The following ERMP1 variants were observed in gnomAD, a reference collection of about 807,000 sequenced individuals.
ERMP1 encodes Felix-ina.
A neutral mutation model predicts 92.0 loss-of-function variants in ERMP1; 86 were observed. That is an observed-to-expected ratio of 0.93 (90% CI 0.79 to 1.12). ERMP1 has a LOEUF of 1.12. Among genes scored for constraint, ERMP1 ranks in the 50% most tolerant of loss-of-function variants. ERMP1 has a pLI of 0.00. For synonymous variants in ERMP1, 530 were observed against 412.8 expected, an observed-to-expected ratio of 1.28 and a Z score of -3.44; for missense variants, 1,342 against 1,116.3, an observed-to-expected ratio of 1.20 and a Z score of -2.88.
chr9:5,808,957 C>T (rs148592103), intron 8 of ERMP1, among the ~76,000 whole-genome samples: 6 of 152,076 alleles, frequency 3.9e-5, no homozygotes, highest in African/African-American at 1.2e-4. Flanking sequence ...CAGGCTAAAG[C>T]GATCCGCCTG....
At chr9:5,812,315 C>CA in intron 5 of ERMP1, 98 bp from the exon 6 acceptor site, 1 of 666,160 alleles carries the variant, frequency 1.5e-6, no homozygotes, top group Non-Finnish European at 2.5e-6. Context: ...GACAAAATGT[C>CA]AAAGCAGTGG....
intron 8 of ERMP1, among the ~76,000 whole-genome samples, chr9:5,807,815 G>C (rs1828925897): frequency 2.0e-5 from 3 of 151,772 alleles, no homozygotes; most frequent in Non-Finnish European, 4.4e-5. Context: ...ACTTCCACAA[G>C]CAAAATTCAT....
intron 6 of ERMP1, among the ~76,000 whole-genome samples, chr9:5,841,027 G>A (rs1830156678): frequency 6.6e-6 from 1 of 152,186 alleles, no homozygotes; most frequent in East Asian, 1.9e-4. Context: ...TAATTGTTAA[G>A]TGTTACTGTT....
At chr9:5,788,820 C>A (rs1319488286) in intron 13 of ERMP1, among the ~76,000 whole-genome samples, 2 of 151,882 alleles carry the variant, frequency 1.3e-5, no homozygotes, top group Non-Finnish European at 2.9e-5. Context: ...GAAATTCTTA[C>A]TAGAAGGAAG....
At chr9:5,828,495 C>T (rs766048327) in intron 2 of ERMP1, among the ~76,000 whole-genome samples, 1 of 152,204 alleles carries the variant, frequency 6.6e-6, no homozygotes, top group African/African-American at 2.4e-5. Context: ...CTATATAACA[C>T]TTTACTAACT....
rs1828502380 is a variant in ERMP1, at chr9:5,797,907, C to T, written c.2296G>A (p.Glu766Lys). Reference protein sequence around the residue: ...IRKNWYLPAPEVSPRNPPHFR... With the variant: ...IRKNWYLPAPKVSPRNPPHFR... Reference sequence around the variant, plus strand: ...TGAGGAGGATTTCTTGGAGAAACTTCTGGGGCAGGAAGATACCAGTTTTTC... The same window carrying T: ...TGAGGAGGATTTCTTGGAGAAACTTTTGGGGCAGGAAGATACCAGTTTTTC... Residue 766 changes from glutamate to lysine, a missense_variant, in exon 13 of 15, where the codon GAA becomes AAA. Physicochemically the swap from Glu to Lys is moderately conservative, Grantham distance 56 (BLOSUM62 1). Transcript: ENST00000339450. The T allele has an allele frequency of 1.2e-6, 2 of 1,613,112 alleles. No homozygotes were observed. Among genetic ancestry groups the T allele is most frequent in the Non-Finnish European group, 8.5e-7 (1 of 1,179,326 alleles).
intron 6 of ERMP1, among the ~76,000 whole-genome samples, chr9:5,850,647 A>C (rs996423535): frequency 7.9e-5 from 12 of 152,252 alleles, no homozygotes; most frequent in Middle Eastern, 3.4e-3. Flanking sequence ...AAAAACCCAA[A>C]AACAACAACA....
At chr9:5,841,210 A>G (rs1038826637) in intron 6 of ERMP1, among the ~76,000 whole-genome samples, 4 of 152,228 alleles carry the variant, frequency 2.6e-5, no homozygotes, top group Non-Finnish European at 5.9e-5. Flanking sequence ...AGAAGTACCA[A>G]GAATAGGTTC....
At chr9:5,798,679 T>A in intron 12 of ERMP1, 127 bp downstream of exon 12, 2 of 571,392 alleles carry the variant, frequency 3.5e-6, no homozygotes, top group Non-Finnish European at 3.0e-6. Context: ...TTCATAATGA[T>A]AGAAAAAATA....
chr9:5,805,587 A>G (rs776929269), intron 9 of ERMP1, 24 bp downstream of exon 9: 95 of 1,541,506 alleles, frequency 6.2e-5, no homozygotes, highest in African/African-American at 3.7e-4. Flanking sequence ...TCTCCCATGT[A>G]TATCAAAATC....
At chr9:5,828,903 T>G (rs550600452) in intron 2 of ERMP1, among the ~76,000 whole-genome samples, 2 of 152,200 alleles carry the variant, frequency 1.3e-5, no homozygotes, top group African/African-American at 4.8e-5. Context: ...AGCATCATAA[T>G]AGTGGGCAAA....
chr9:5,862,165 G>A (rs1830519334), intron 5 of ERMP1, among the ~76,000 whole-genome samples: 1 of 151,968 alleles, frequency 6.6e-6, no homozygotes, highest in Admixed American at 6.6e-5. Flanking sequence ...AAGTAGCTGG[G>A]ACCACAGGTG....
chr9:5,860,687 A>G (rs1420846665), intron 5 of ERMP1, among the ~76,000 whole-genome samples: 2 of 149,702 alleles, frequency 1.3e-5, no homozygotes, highest in South Asian at 2.1e-4. Context: ...GGCCTCAAGC[A>G]ATCCTCCTGC....
upstream of ERMP1, among the ~76,000 whole-genome samples, chr9:5,834,703 A>ATGTGTCTGTGTG (rs1830062712): frequency 8.1e-6 from 1 of 122,906 alleles, no homozygotes. Flanking sequence ...GTATGTATAT[A>ATGTGTCTGTGTG]TGTGTGTGTG....
intron 4 of ERMP1, among the ~76,000 whole-genome samples, chr9:5,820,413 G>A (rs1829486793): frequency 6.6e-6 from 1 of 152,158 alleles, no homozygotes; most frequent in African/African-American, 2.4e-5. Context: ...AAAAATTCTA[G>A]AAGAGTATAG....
At chr9:5,817,335 G>A (rs570901499) in intron 4 of ERMP1, among the ~76,000 whole-genome samples, 7 of 151,994 alleles carry the variant, frequency 4.6e-5, no homozygotes, top group African/African-American at 9.7e-5. Flanking sequence ...GATTACAAGC[G>A]CCCGCCACCA....
At chr9:5,856,210 C>A in intron 6 of ERMP1, 2 of 286,918 alleles carry the variant, frequency 7.0e-6, no homozygotes, top group South Asian at 7.6e-5. Context: ...CAGTGCTGGG[C>A]ATACCTGTTC....
chr9:5,787,991 G>C (rs769689488), intron 13 of ERMP1, among the ~76,000 whole-genome samples: 6 of 152,192 alleles, frequency 3.9e-5, no homozygotes, highest in African/African-American at 7.2e-5. Context: ...GTAATTTTCA[G>C]AGTTGATCAT....
rs200606830 is a variant in ERMP1 at position 5,825,078 on chromosome 9, C to T, written c.768+14G>A. On this transcript the variant is annotated intron_variant, in intron 3 of 14. Transcript: ENST00000339450. ...CCTTATTCAAGCCTGATATTTAAAACAGTAAAATCTCACTTGCAAGACATT... is the reference window on the plus strand; with the variant it reads ...CCTTATTCAAGCCTGATATTTAAAATAGTAAAATCTCACTTGCAAGACATT... The T allele has an allele frequency of 1.9e-6, 3 of 1,612,086 alleles. No homozygotes were observed. Among genetic ancestry groups the T allele is most frequent in the Admixed American group, 1.7e-5 (1 of 59,986 alleles).
Sources: allele counts gnomAD v4.1 joint callset (sites outside exome capture counted in the v4.1 genomes callset), GRCh38; gene constraint gnomAD v4.1.1; transcripts MANE v1.5; gene names NCBI Gene and HGNC (gene_info 2026-07-23, HGNC 2026-07-21).